Variants in ATOSA observed in about 807,000 individuals in gnomAD.
The protein encoded by ATOSA is atos homolog protein A.
At chr15:52,709,133 A>G in the ATOSA span, among the ~76,000 whole-genome samples, 19 of 152,214 alleles carry the variant, frequency 1.2e-4, 1 homozygote, top group Admixed American at 1.2e-3. Context: ...CAAACAAAGC[A>G]CATCCAGGCA....
chr15:52,676,857 G>A, the ATOSA span, among the ~76,000 whole-genome samples: 1 of 151,998 alleles, frequency 6.6e-6, no homozygotes, highest in Non-Finnish European at 1.5e-5. Flanking sequence ...ACTAACCTTG[G>A]TGCCATTTTT....
chr15:52,611,346 A>C, the ATOSA span: 6 of 1,495,780 alleles, frequency 4.0e-6, no homozygotes, highest in Non-Finnish European at 4.5e-6. Flanking sequence ...TAAACTTATC[A>C]CTCAGGATTT....
chr15:52,709,227 G>A, the ATOSA span, among the ~76,000 whole-genome samples: 4 of 152,210 alleles, frequency 2.6e-5, no homozygotes, highest in South Asian at 8.3e-4. Flanking sequence ...TCATTTTGAA[G>A]TTTTACATTT....
the ATOSA span, among the ~76,000 whole-genome samples, chr15:52,701,412 A>G: frequency 6.6e-6 from 1 of 152,328 alleles, no homozygotes; most frequent in Non-Finnish European, 1.5e-5. Flanking sequence ...GCACTCCAGC[A>G]TGGGCAACAG....
chr15:52,631,125 A>G, the ATOSA span, among the ~76,000 whole-genome samples: 113 of 152,328 alleles, frequency 7.4e-4, no homozygotes, highest in African/African-American at 2.7e-3. Context: ...TCTTTAATGT[A>G]TATGCTCTTT....
chr15:52,618,903 C>T, the ATOSA span, among the ~76,000 whole-genome samples: 1 of 152,168 alleles, frequency 6.6e-6, no homozygotes, highest in African/African-American at 2.4e-5. Flanking sequence ...GTCATTGTCT[C>T]TGTGGGAGGT....
the ATOSA span, among the ~76,000 whole-genome samples, chr15:52,680,370 G>GTT: frequency 6.7e-6 from 1 of 148,800 alleles, no homozygotes; most frequent in African/African-American, 2.5e-5. Flanking sequence ...ATTAGAAAAA[G>GTT]TTTTTTTTTT....
chr15:52,682,695 G>A, the ATOSA span, among the ~76,000 whole-genome samples: 2 of 152,148 alleles, frequency 1.3e-5, no homozygotes, highest in Non-Finnish European at 2.9e-5. Context: ...ATGAAATATT[G>A]TAGAAATAAA....
the ATOSA span, among the ~76,000 whole-genome samples, chr15:52,681,782 T>C: frequency 6.6e-6 from 1 of 152,202 alleles, no homozygotes; most frequent in South Asian, 2.1e-4. Flanking sequence ...CTCATCTTCA[T>C]CCCCTCAACT....
the ATOSA span, among the ~76,000 whole-genome samples, chr15:52,614,758 G>A: frequency 6.6e-6 from 1 of 151,880 alleles, no homozygotes; most frequent in African/African-American, 2.4e-5. Context: ...TGAGGCAGGA[G>A]AATCTCTTGA....
At chr15:52,585,465 A>G in the ATOSA span, 1 of 152,302 alleles carries the variant, frequency 6.6e-6, no homozygotes, top group African/African-American at 2.4e-5. Context: ...TTATTATAAA[A>G]TTTAAAATAG....
chr15:52,699,592 A>G, the ATOSA span, among the ~76,000 whole-genome samples: 4 of 152,012 alleles, frequency 2.6e-5, no homozygotes, highest in African/African-American at 9.7e-5. Flanking sequence ...TCATTAAAAA[A>G]AAACAGATCT....
chr15:52,611,847 A>G, the ATOSA span: 3 of 1,427,742 alleles, frequency 2.1e-6, no homozygotes, highest in Admixed American at 1.8e-5. Flanking sequence ...ATAGAAAATT[A>G]TCATTGTAAA....
At chr15:52,695,296 C>T in the ATOSA span, among the ~76,000 whole-genome samples, 29,506 of 152,166 alleles carry the variant, frequency 0.19, 3,231 homozygotes, top group Non-Finnish European at 0.24. Flanking sequence ...CAAGTCTGCG[C>T]TTTATCTGTC....
At chr15:52,690,462 T>A in the ATOSA span, among the ~76,000 whole-genome samples, 1 of 152,350 alleles carries the variant, frequency 6.6e-6, no homozygotes, top group South Asian at 2.1e-4. Context: ...GATGTAACAT[T>A]AAAACCCATG....
the ATOSA span, among the ~76,000 whole-genome samples, chr15:52,705,805 G>T: frequency 6.6e-6 from 1 of 152,076 alleles, no homozygotes; most frequent in Non-Finnish European, 1.5e-5. Context: ...CATCACCATA[G>T]ATTAGTTTTG....
the ATOSA span, among the ~76,000 whole-genome samples, chr15:52,637,328 G>A: frequency 6.6e-6 from 1 of 152,036 alleles, no homozygotes; most frequent in African/African-American, 2.4e-5. Context: ...TAAGACAAAA[G>A]AATGAGGAAT....
At chr15:52,668,307 A>G in the ATOSA span, among the ~76,000 whole-genome samples, 1 of 152,234 alleles carries the variant, frequency 6.6e-6, no homozygotes, top group Non-Finnish European at 1.5e-5. Context: ...CCAGACACAG[A>G]AAGACACATA....
the ATOSA span, among the ~76,000 whole-genome samples, chr15:52,665,793 C>A: frequency 6.6e-6 from 1 of 151,976 alleles, no homozygotes; most frequent in South Asian, 2.1e-4. Flanking sequence ...TTATGTTATC[C>A]ACATTTTACC....
Sources: allele counts gnomAD v4.1 joint callset (sites outside exome capture counted in the v4.1 genomes callset), GRCh38; gene constraint gnomAD v4.1.1; transcripts MANE v1.5; gene names NCBI Gene and HGNC (gene_info 2026-07-23, HGNC 2026-07-21).